Variants in UBA7 observed in about 807,000 individuals in gnomAD.
UBA7 encodes ubiquitin-like modifier-activating enzyme 7.
In UBA7, 88 loss-of-function variants were observed where a neutral mutation model predicts 113.0. The ratio of observed to expected loss-of-function variants is 0.78; its 90% CI spans 0.66 to 0.93. The LOEUF is 0.93. Among genes scored for constraint, UBA7 ranks in the 40% least tolerant of loss-of-function variants. The probability of loss-of-function intolerance (pLI) is 0.00; values close to 1 mark genes in which losing one functional copy is unlikely to be tolerated. For synonymous variants in UBA7, 459 were observed against 513.0 expected (o/e 0.89, Z 1.42); for missense variants, 1,092 against 1,266.4 (o/e 0.86, Z 2.09).
chr3:49,805,719 C>T (rs1200810294), intron 23 of UBA7, among the ~76,000 whole-genome samples, 178 bp downstream of exon 23: 1 of 152,214 alleles, frequency 6.6e-6, no homozygotes, highest in African/African-American at 2.4e-5. Context: ...GAAGACTCCT[C>T]CTCAGGCTCT....
chr3:49,813,938 T>C lies in UBA7; in HGVS notation c.-151A>G. ...TAAGGGACGCTGCTGGTCACAGCTCTCTTCCTGGAGAAAAGAAAAGTGAAA... is the reference window on the plus strand; with the variant it reads ...TAAGGGACGCTGCTGGTCACAGCTCCCTTCCTGGAGAAAAGAAAAGTGAAA... On this transcript the variant is annotated 5_prime_UTR_variant, in exon 1 of 24. Transcript: ENST00000333486. The C allele has an allele frequency of 1.7e-6, 1 of 587,648 alleles. No individual in the cohort carries two copies. Among genetic ancestry groups the C allele is most frequent in the South Asian group, 2.2e-5 (1 of 45,852 alleles). The allele number at this position is 587,648 out of a possible 1,614,324, so 36.4% of individuals were successfully genotyped here.
At chr3:49,811,708 C>T (rs1046364388) in intron 8 of UBA7, 162 bp downstream of exon 8, 9 of 1,300,474 alleles carry the variant, frequency 6.9e-6, no homozygotes, top group African/African-American at 1.5e-5. Context: ...TAGCAGGAGT[C>T]CCCAGGATGT....
Position 49,807,994 on chromosome 3 carries a change from G to T in UBA7, c.2523+26C>A. On this transcript the variant is annotated intron_variant, in intron 20 of 23. Coordinates refer to ENST00000333486, the MANE Select transcript of UBA7 (RefSeq NM_003335.3). This position sits in a 1 kb window ranked among gnomAD's most constrained non-coding sequence, Gnocchi z 4.0. The stretch of plus-strand genomic sequence containing the variant: ...GCCAGGGTTTGCCCTCCACCTCCAG[G>T]CCCAAGCCTCAAGGGGTGGGGTTAC... 1 of 1,614,064 alleles carries T rather than the reference G, an allele frequency of 6.2e-7. No individual in the cohort carries two copies. Among genetic ancestry groups the T allele is most frequent in the Non-Finnish European group, 8.5e-7 (1 of 1,179,962 alleles).
In UBA7 at chr3:49,809,739, A is replaced by G. The variant is rs1471422107; in HGVS notation, c.1905-14T>C. ...GAAGTGTGTGCCCTGCAGAGAGAGG[A>G]GGAAGTGTGAGACTGAGTCCTGCAG... On this transcript the variant is annotated splice_polypyrimidine_tract_variant and intron_variant, in intron 15 of 23. Coordinates refer to ENST00000333486, the MANE Select transcript of UBA7 (RefSeq NM_003335.3). 6.2e-7 allele frequency: 1 copy of G among 1,613,946 alleles called. No individual in the cohort carries two copies. Among genetic ancestry groups the G allele is most frequent in the Non-Finnish European group, 8.5e-7 (1 of 1,179,980 alleles).
In UBA7 at chr3:49,810,769, G is replaced by C; in HGVS notation, c.1294C>G (p.Arg432Gly). 2 of 1,614,104 alleles carry C rather than the reference G, an allele frequency of 1.2e-6. No individual in the cohort carries two copies. Among genetic ancestry groups the C allele is most frequent in the Non-Finnish European group, 1.7e-6 (2 of 1,180,016 alleles). The change falls in exon 11 of 24, where the codon CGC becomes GGC. Residue 432 changes from arginine (R) to glycine (G), a missense_variant. Arg to Gly is a moderately radical substitution (Grantham distance 125). Coordinates refer to ENST00000333486, the MANE Select transcript of UBA7 (RefSeq NM_003335.3). The surrounding 1 kb of genome is among the most constrained non-coding windows in gnomAD (Gnocchi z 5.6). ...CAGCTCACCAGGAGGTAGTGCTGGC[G>C]TCTCAGTTTCTCCTGAAAACCAGCC... ...FGAGFQEKLR[R>G]QHYLLVGAGA...
At chr3:49,805,562 A>C in intron 23 of UBA7, 125 bp from the exon 24 acceptor site, 1 of 866,700 alleles carries the variant, frequency 1.2e-6, no homozygotes, top group Non-Finnish European at 1.8e-6. Context: ...GGAGCTGCTC[A>C]AGACAGGAAA....
At position 49,812,461 on chromosome 3, in the gene UBA7, A is replaced by G; in HGVS notation, c.641T>C (p.Ile214Thr). 6.2e-7 allele frequency: 1 copy of G among 1,614,158 alleles called. No homozygotes were observed. The highest frequency in any genetic ancestry group is 8.5e-7 in the Non-Finnish European group (1 of 1,180,030). Reference protein sequence around the residue: ...RDGDLVTFSGIEGMVELNDCD... With the variant: ...RDGDLVTFSGTEGMVELNDCD... The stretch of plus-strand genomic sequence containing the variant: ...GTCGTTGAGCTCAACCATTCCCTCA[A>G]TTCCCGAGAAAGTCACCAAGTCTCC... The change falls in exon 6 of 24, where the codon ATT becomes ACT. Residue 214 changes from isoleucine to threonine, a missense_variant. Ile to Thr is a moderately conservative substitution (Grantham distance 89, BLOSUM62 -1). Coordinates refer to ENST00000333486, the MANE Select transcript of UBA7 (RefSeq NM_003335.3).
In UBA7 at chr3:49,808,084, A is replaced by G. The variant is rs1322881766; in HGVS notation, c.2459T>C (p.Phe820Ser). ...KDDDSNFHVD[F>S]VVAAASLRCQ... Reference sequence around the variant, plus strand: ...TCTCAGGCTAGCTGCCGCTACCACAAAGTCCACATGGAAGTTGCTGTCATC... The same window carrying G: ...TCTCAGGCTAGCTGCCGCTACCACAGAGTCCACATGGAAGTTGCTGTCATC... Residue 820 changes from phenylalanine to serine, a missense_variant, in exon 20 of 24, where the codon TTT (phenylalanine) becomes TCT (serine). Transcript: ENST00000333486. 1 of 1,614,132 alleles carries G rather than the reference A, an allele frequency of 6.2e-7. No individual in the cohort carries two copies. Among genetic ancestry groups the G allele is most frequent in the African/African-American group, 1.3e-5 (1 of 75,064 alleles).
chr3:49,809,551 T>C lies in UBA7; in HGVS notation c.2079A>G (p.Pro693=), dbSNP rs201907940. 6.2e-7 allele frequency: 1 copy of C among 1,613,924 alleles called. No homozygotes were observed. Among genetic ancestry groups the C allele is most frequent in the Non-Finnish European group, 8.5e-7 (1 of 1,179,970 alleles). The change falls in exon 16 of 24, where the codon CCA becomes CCG. Residue 693 remains proline, a synonymous_variant. Coordinates refer to ENST00000333486, the MANE Select transcript of UBA7 (RefSeq NM_003335.3). ...ACCCCTAGCCACACACTTTATTAGG[T>C]GGGAAGTGCCTCAGCAGCTGTTTGA... ...YGIKQLLRHF[P]PNKVLEDGTP...
In UBA7 at chr3:49,813,744, T is replaced by C. The variant is rs538098037; in HGVS notation, c.44A>G (p.Tyr15Cys). ...CCTCGGGCCTCACAGCTGTCTTGAATACAGCTCCTCATCCAGTAGCTTCGA... is the reference window on the plus strand; with the variant it reads ...CCTCGGGCCTCACAGCTGTCTTGAACACAGCTCCTCATCCAGTAGCTTCGA... ...DASKLLDEEL[Y>C]SRQLYVLGSP... The change falls in exon 1 of 24, where the codon TAT becomes TGT. Residue 15 changes from tyrosine to cysteine, a missense_variant. Around this residue, in one of 3 missense-constraint regions of UBA7, gnomAD observed 584 missense variants for 714.5 expected, o/e 0.82. Transcript: ENST00000333486. The C allele has an allele frequency of 4.3e-6, 7 of 1,614,254 alleles. No homozygotes were observed. In the African/African-American group the frequency reaches 9.3e-5, roughly 22 times the overall value.
chr3:49,813,791 C>G lies in UBA7; in HGVS notation c.-4G>C. 1 of 1,614,198 alleles carries G rather than the reference C, an allele frequency of 6.2e-7. No homozygotes were observed. Among genetic ancestry groups the G allele is most frequent in the Non-Finnish European group, 8.5e-7 (1 of 1,180,016 alleles). ...TCGAAGCGTCCAGGGCATCCATCCT[C>G]AAACCTGGGGCTGAACAGTAGGCTG... is the stretch of plus-strand genomic sequence containing the variant. On this transcript the variant is annotated 5_prime_UTR_variant, in exon 1 of 24. Coordinates refer to ENST00000333486, the MANE Select transcript of UBA7 (RefSeq NM_003335.3).
chr3:49,811,862 C>A lies in UBA7; in HGVS notation c.939+8G>T, dbSNP rs200087479. Reference sequence around the variant, plus strand: ...GAGGCTGGGGGTGGGAGCAACAGGACTACTCACAGGATCCCAGGGCTGGGG... The same window carrying A: ...GAGGCTGGGGGTGGGAGCAACAGGAATACTCACAGGATCCCAGGGCTGGGG... On this transcript the variant is annotated splice_region_variant and intron_variant, in intron 8 of 23. Transcript: ENST00000333486. 2.4e-5 allele frequency: 39 copies of A among 1,612,868 alleles called. No individual in the cohort carries two copies. The East Asian group carries it at 4.0e-4, about 17-fold the overall frequency.
chr3:49,809,485 T>G, intron 16 of UBA7, 21 bp from the exon 17 acceptor site: 1 of 1,614,090 alleles, frequency 6.2e-7, no homozygotes, highest in Non-Finnish European at 8.5e-7. Context: ...AAGTAGAAGC[T>G]GCTGGGCTCA....
chr3:49,810,654 C>G lies in UBA7; in HGVS notation c.1330G>C (p.Gly444Arg). 1.2e-6 allele frequency: 2 copies of G among 1,614,130 alleles called. No individual in the cohort carries two copies. Among genetic ancestry groups the G allele is most frequent in the South Asian group, 1.1e-5 (1 of 91,088 alleles). ...GCAAAGACTTTGAGCAGCTCACAACCAATGGCACCAGCGCCCACCTGTTGG... is the reference window on the plus strand; with the variant it reads ...GCAAAGACTTTGAGCAGCTCACAACGAATGGCACCAGCGCCCACCTGTTGG... Reference protein sequence around the residue: ...HYLLVGAGAIGCELLKVFALV... With the variant: ...HYLLVGAGAIRCELLKVFALV... The change falls in exon 12 of 24, where the codon GGT (glycine) becomes CGT (arginine). Residue 444 changes from glycine (G) to arginine (R), a missense_variant. Coordinates refer to ENST00000333486, the MANE Select transcript of UBA7 (RefSeq NM_003335.3). The surrounding 1 kb of genome is among the most constrained non-coding windows in gnomAD (Gnocchi z 5.6).
chr3:49,809,415 TGG>T lies in UBA7; in HGVS notation c.2136_2137del (p.Gln713AlafsTer5). 1 of 1,614,182 alleles carries T rather than the reference TGG, an allele frequency of 6.2e-7. No homozygotes were observed. The highest frequency in any genetic ancestry group is 8.5e-7 in the Non-Finnish European group (1 of 1,180,014). On this transcript the variant is annotated frameshift_variant, in exon 17 of 24. Transcript: ENST00000333486. LOFTEE classifies it high-confidence loss of function. ...TTGGTTGGTGTCAAACTCCAAGGGCTGGGGACACTGTTTGGGACCTGACCAGA... is the reference window on the plus strand; with the variant it reads ...TTGGTTGGTGTCAAACTCCAAGGGCTGGACACTGTTTGGGACCTGACCAGA...
rs1487264786 is a variant in UBA7 at position 49,812,452 on chromosome 3, A to T, written c.650T>A (p.Met217Lys). Residue 217 changes from methionine (M) to lysine (K), a missense_variant, in exon 6 of 24, where the codon ATG (methionine) becomes AAG (lysine). Physicochemically the swap from Met to Lys is moderately conservative, Grantham distance 95 (BLOSUM62 -1). Around this residue, in one of 3 missense-constraint regions of UBA7, gnomAD observed 584 missense variants for 714.5 expected, o/e 0.82. Coordinates refer to ENST00000333486, the MANE Select transcript of UBA7 (RefSeq NM_003335.3). Reference sequence around the variant, plus strand: ...GGGATCACAGTCGTTGAGCTCAACCATTCCCTCAATTCCCGAGAAAGTCAC... The same window carrying T: ...GGGATCACAGTCGTTGAGCTCAACCTTTCCCTCAATTCCCGAGAAAGTCAC... ...DLVTFSGIEGMVELNDCDPRS... is the reference protein window; with the variant it reads ...DLVTFSGIEGKVELNDCDPRS... The T allele has an allele frequency of 1.2e-6, 2 of 1,614,096 alleles. No homozygotes were observed. Among genetic ancestry groups the T allele is most frequent in the Non-Finnish European group, 1.7e-6 (2 of 1,180,042 alleles).
At chr3:49,808,943 G>A in intron 18 of UBA7, 33 bp downstream of exon 18, 1 of 1,604,490 alleles carries the variant, frequency 6.2e-7, no homozygotes. Flanking sequence ...GCCTTTGAAA[G>A]ACAGCATGAG....
chr3:49,813,498 C>G lies in UBA7; in HGVS notation c.206G>C (p.Trp69Ser). The change falls in exon 2 of 24, where the codon TGG becomes TCG. Residue 69 changes from tryptophan (W) to serine (S), a missense_variant. This residue lies in a region of UBA7 where 584 missense variants were observed against 714.5 expected (regional missense o/e 0.82). Transcript: ENST00000333486. ...LTLHDPHPTCWSDLAAQFLLS... is the reference protein window; with the variant it reads ...LTLHDPHPTCSSDLAAQFLLS... ...ACTTACCTGGGCAGCCAGGTCGGACCAGCAGGTGGGGTGGGGATCATGCAG... is the reference window on the plus strand; with the variant it reads ...ACTTACCTGGGCAGCCAGGTCGGACGAGCAGGTGGGGTGGGGATCATGCAG... The G allele has an allele frequency of 6.2e-7, 1 of 1,613,870 alleles. No individual in the cohort carries two copies. The highest frequency in any genetic ancestry group is 8.5e-7 in the Non-Finnish European group (1 of 1,179,966).
Position 49,812,146 on chromosome 3 carries a change from G to A in UBA7, c.755C>T (p.Ala252Val). The A allele has an allele frequency of 6.2e-7, 1 of 1,614,196 alleles. No homozygotes were observed. The highest frequency in any genetic ancestry group is 8.5e-7 in the Non-Finnish European group (1 of 1,180,036). Residue 252 changes from alanine (A) to valine (V), a missense_variant, in exon 7 of 24, where the codon GCT becomes GTT. Physicochemically the swap from Ala to Val is moderately conservative, Grantham distance 64 (BLOSUM62 0). This residue lies in a region of UBA7 where 584 missense variants were observed against 714.5 expected (regional missense o/e 0.82). Transcript: ENST00000333486. ...CTTGGGTCTCTTGACTTCAGTGATA[G>A]CCCCACCACGCAAGTACCGAGAGAA... Reference protein sequence around the residue: ...TTFSRYLRGGAITEVKRPKTV... With the variant: ...TTFSRYLRGGVITEVKRPKTV...
Sources: allele counts gnomAD v4.1 joint callset (sites outside exome capture counted in the v4.1 genomes callset), GRCh38; gene constraint gnomAD v4.1.1; regional missense constraint gnomAD v4.1.1; non-coding constraint Gnocchi (gnomAD v3.1); transcripts MANE v1.5; gene names NCBI Gene and HGNC (gene_info 2026-07-23, HGNC 2026-07-21).